The following RAPGEF1 variants were observed in gnomAD, a reference collection of about 807,000 sequenced individuals.
RAPGEF1 encodes CRK SH3-binding GNRP.
RAPGEF1 carries 33 observed loss-of-function variants against 143.3 expected under a neutral mutation model. That is an observed-to-expected ratio of 0.23 (90% CI 0.17 to 0.31). The LOEUF is 0.31. Ranked by LOEUF, RAPGEF1 falls within the 10% of genes least tolerant of loss-of-function variation. The pLI is 1.00. For synonymous variants in RAPGEF1, 629 were observed against 676.5 expected (o/e 0.93, Z 1.09); for missense variants, 1,199 against 1,645.4 (o/e 0.73, Z 4.69).
intron 1 of RAPGEF1, among the ~76,000 whole-genome samples, chr9:131,736,646 C>T (rs148746888): frequency 2.0e-5 from 3 of 152,208 alleles, no homozygotes; most frequent in Non-Finnish European, 2.9e-5. Context: ...TGCAAGGGGG[C>T]GGGATGAGGA....
In RAPGEF1 at chr9:131,631,799, A is replaced by T. The variant is rs377037668; in HGVS notation, c.652-1475T>A. Among the ~76,000 whole-genome samples, 5 of 152,374 alleles carry T rather than the reference A, an allele frequency of 3.3e-5. No individual in the cohort carries two copies. The East Asian group carries it at 5.8e-4, about 18-fold the overall frequency. ...AAAAACTAGAAGGTGAACACGCCGA[A>T]AAAAATATCAAACAAGAAATTTACA... is the stretch of plus-strand genomic sequence containing the variant. On this transcript the variant is annotated intron_variant, in intron 5 of 26. Coordinates refer to ENST00000683357, the MANE Select transcript of RAPGEF1 (RefSeq NM_001377935.1).
intron 3 of RAPGEF1, among the ~76,000 whole-genome samples, chr9:131,645,525 GCA>G (rs1258884913): frequency 1.3e-5 from 2 of 152,238 alleles, no homozygotes; most frequent in Non-Finnish European, 2.9e-5. Flanking sequence ...CAACAATGTA[GCA>G]CAGCCAGGCT....
At chr9:131,617,533 AGTCACTCG>A (rs1411841422) in intron 12 of RAPGEF1, among the ~76,000 whole-genome samples, 1 of 152,234 alleles carries the variant, frequency 6.6e-6, no homozygotes, top group Non-Finnish European at 1.5e-5. Context: ...AGTCTTTAAA[AGTCACTCG>A]GTCCAAACTC....
Position 131,584,075 on chromosome 9 carries a change from C to T in RAPGEF1, c.3414+236G>A, listed in dbSNP as rs559507846. Among the ~76,000 whole-genome samples, 19 of 152,326 alleles carry T rather than the reference C, an allele frequency of 1.2e-4. 1 individual carries two copies. In the East Asian group the frequency reaches 2.1e-3, roughly 17 times the overall value. ...GGCCTGCTGGGTGGCAGCAGAACACCGGGATGTGACCACCCCAGAACCAAC... is the reference window on the plus strand; with the variant it reads ...GGCCTGCTGGGTGGCAGCAGAACACTGGGATGTGACCACCCCAGAACCAAC... On this transcript the variant is annotated intron_variant, in intron 24 of 26. Coordinates refer to ENST00000683357, the MANE Select transcript of RAPGEF1 (RefSeq NM_001377935.1). This position sits in a 1 kb window ranked among gnomAD's most constrained non-coding sequence, Gnocchi z 6.8.
At chr9:131,685,329 C>T (rs1833252549) in intron 1 of RAPGEF1, among the ~76,000 whole-genome samples, 1 of 152,176 alleles carries the variant, frequency 6.6e-6, no homozygotes, top group Admixed American at 6.5e-5. Flanking sequence ...CAAAATCTGG[C>T]CATAAACTGG....
intron 1 of RAPGEF1, among the ~76,000 whole-genome samples, chr9:131,664,909 C>T (rs975218739): frequency 6.6e-6 from 1 of 152,110 alleles, no homozygotes; most frequent in Admixed American, 6.5e-5. Flanking sequence ...TGTTTTATCC[C>T]TCATTTACAC....
intron 1 of RAPGEF1, among the ~76,000 whole-genome samples, chr9:131,696,529 A>G (rs1834193475): frequency 6.6e-6 from 1 of 152,230 alleles, no homozygotes. Flanking sequence ...TTCAAGGCTA[A>G]TTCTTCCTCT....
chr9:131,650,997 G>A lies in RAPGEF1; in HGVS notation c.62-48C>T, dbSNP rs771568599. Reference sequence around the variant, plus strand: ...CTGTTAGATGGGAGTGGGAAGAAGCGATGGTTCATTGACCTTTTGTGGAAA... The same window carrying A: ...CTGTTAGATGGGAGTGGGAAGAAGCAATGGTTCATTGACCTTTTGTGGAAA... On this transcript the variant is annotated intron_variant, in intron 1 of 26. Transcript: ENST00000683357. The surrounding 1 kb of genome is among the most constrained non-coding windows in gnomAD (Gnocchi z 4.7). The A allele has an allele frequency of 1.1e-5, 17 of 1,590,438 alleles. No individual in the cohort carries two copies. The highest frequency in any genetic ancestry group is 1.4e-5 in the Non-Finnish European group (16 of 1,165,214).
chr9:131,679,480 G>A (rs1477389473), intron 1 of RAPGEF1, among the ~76,000 whole-genome samples: 1 of 152,250 alleles, frequency 6.6e-6, no homozygotes, highest in Non-Finnish European at 1.5e-5. Flanking sequence ...ATCCTAAAGT[G>A]ATCTGACTTG....
chr9:131,690,422 G>C lies in RAPGEF1; in HGVS notation c.62-39473C>G, dbSNP rs74581477. On this transcript the variant is annotated intron_variant, in intron 1 of 26. Transcript: ENST00000683357. ...TGAAAGGAATTTTATGTTTGATCGA[G>C]CTAAAATTAAAAGGAAATTATTTAT... Among the ~76,000 whole-genome samples, 111 of 152,288 alleles carry C rather than the reference G, an allele frequency of 7.3e-4. 1 individual carries two copies. The highest frequency in any genetic ancestry group is 1.4e-3 in the Admixed American group (22 of 15,302).
intron 5 of RAPGEF1, among the ~76,000 whole-genome samples, chr9:131,634,713 CAAAAAAAAAAAAAA>C (rs35405559): frequency 1.6e-5 from 1 of 61,222 alleles, no homozygotes; most frequent in Non-Finnish European, 2.7e-5. Flanking sequence ...GACTCCGTCT[CAAAAAAAAAAAAAA>C]AAAAAAAAAA....
Position 131,641,314 on chromosome 9 carries a change from T to C in RAPGEF1, c.494+1925A>G, listed in dbSNP as rs1192418931. On this transcript the variant is annotated intron_variant, in intron 4 of 26. Coordinates refer to ENST00000683357, the MANE Select transcript of RAPGEF1 (RefSeq NM_001377935.1). The surrounding 1 kb of genome is among the most constrained non-coding windows in gnomAD (Gnocchi z 4.6). ...CGTCCATGCTCTAGGACATATACCC[T>C]CTGCCCATGACTGCCCGAGTCGCCG... Among the ~76,000 whole-genome samples the C allele has an allele frequency of 4.6e-5, 7 of 152,126 alleles. No homozygotes were observed. The highest frequency in any genetic ancestry group is 1.5e-5 in the Non-Finnish European group (1 of 68,018).
chr9:131,580,864 G>T (rs1338996584), intron 25 of RAPGEF1, among the ~76,000 whole-genome samples: 1 of 152,166 alleles, frequency 6.6e-6, no homozygotes, highest in Non-Finnish European at 1.5e-5. Flanking sequence ...GAACAGCTAG[G>T]CTGGGTGTGG....
At position 131,621,901 on chromosome 9, in the gene RAPGEF1, GTTC is replaced by G. The variant is rs1961186954; in HGVS notation, c.1797_1799del (p.Lys599del). 1 of 1,613,754 alleles carries G rather than the reference GTTC, an allele frequency of 6.2e-7. No homozygotes were observed. The highest frequency in any genetic ancestry group is 8.5e-7 in the Non-Finnish European group (1 of 1,179,808). On this transcript the variant is annotated inframe_deletion, in exon 11 of 27. Transcript: ENST00000683357. This position sits in a 1 kb window ranked among gnomAD's most constrained non-coding sequence, Gnocchi z 4.5. ...AGCCGTATACCTCCATGAGGAGCTT[GTTC>G]TTCTGCTGGTAGATGTGCTCGTTCT...
chr9:131,667,931 T>G lies in RAPGEF1; in HGVS notation c.62-16982A>C, dbSNP rs1452166519. ...CCCAGTCCTGGCACTTAGTTAACAT[T>G]CATAAATGTCATCTGTGGCCACCAG... On this transcript the variant is annotated intron_variant, in intron 1 of 26. Transcript: ENST00000683357. The surrounding 1 kb of genome is among the most constrained non-coding windows in gnomAD (Gnocchi z 4.6). 6.6e-6 allele frequency among the ~76,000 whole-genome samples: 1 copy of G among 152,214 alleles called. No homozygotes were observed. Among genetic ancestry groups the G allele is most frequent in the African/African-American group, 2.4e-5 (1 of 41,458 alleles).
chr9:131,680,869 C>T (rs1316291596), intron 1 of RAPGEF1, among the ~76,000 whole-genome samples: 4 of 152,106 alleles, frequency 2.6e-5, no homozygotes, highest in Admixed American at 6.5e-5. Context: ...TCTCGCGGAC[C>T]GAGCTGGTCT....
Position 131,592,083 on chromosome 9 carries a change from A to C in RAPGEF1, c.2774+16T>G. 1 of 1,588,316 alleles carries C rather than the reference A, an allele frequency of 6.3e-7. No homozygotes were observed. The highest frequency in any genetic ancestry group is 8.6e-7 in the Non-Finnish European group (1 of 1,156,808). ...GCCCATGGTGCAGGGGCCCTGGGTCAGGAAGGAAAGGATATCTGTACTGCA... is the reference window on the plus strand; with the variant it reads ...GCCCATGGTGCAGGGGCCCTGGGTCCGGAAGGAAAGGATATCTGTACTGCA... On this transcript the variant is annotated intron_variant, in intron 18 of 26. Transcript: ENST00000683357.
intron 18 of RAPGEF1, 91 bp from the exon 19 acceptor site, chr9:131,590,069 C>T: frequency 8.9e-7 from 1 of 1,123,482 alleles, no homozygotes; most frequent in South Asian, 1.2e-5. Context: ...TGAGCGCTCA[C>T]AATGTGCCCA....
chr9:131,668,537 G>A (rs748059767), intron 1 of RAPGEF1, among the ~76,000 whole-genome samples: 7 of 152,024 alleles, frequency 4.6e-5, no homozygotes, highest in Non-Finnish European at 8.8e-5. Flanking sequence ...CTTGGCCAAG[G>A]TCACAGGGTT....
Sources: allele counts gnomAD v4.1 joint callset (sites outside exome capture counted in the v4.1 genomes callset), GRCh38; gene constraint gnomAD v4.1.1; non-coding constraint Gnocchi (gnomAD v3.1); transcripts MANE v1.5; gene names NCBI Gene and HGNC (gene_info 2026-07-23, HGNC 2026-07-21).